FOXN3: variants seen among roughly 807,000 people sequenced by gnomAD.
FOXN3 encodes the protein forkhead box N3.
FOXN3 carries 7 observed loss-of-function variants against 38.4 expected under a neutral mutation model. The observed-to-expected ratio is 0.18, with a 90% CI of 0.10 to 0.34. The LOEUF (loss-of-function observed/expected upper bound fraction) is 0.34, where lower values mean the gene tolerates loss of function less well. Ranked by LOEUF, FOXN3 falls within the 10% of genes least tolerant of loss-of-function variation. The probability of loss-of-function intolerance (pLI) is 1.00; values close to 1 mark genes in which losing one functional copy is unlikely to be tolerated. For synonymous variants in FOXN3, 230 were observed against 242.2 expected (o/e 0.95, Z 0.47); for missense variants, 456 against 613.4 (o/e 0.74, Z 2.71).
At chr14:89,606,413 C>A (rs761027452) in intron 1 of FOXN3, among the ~76,000 whole-genome samples, 1 of 151,622 alleles carries the variant, frequency 6.6e-6, no homozygotes, top group Non-Finnish European at 1.5e-5. Context: ...AACATTGATA[C>A]CAAAATTTGA....
Position 89,505,328 on chromosome 14 carries a change from G to C in FOXN3, c.-14-92838C>G, listed in dbSNP as rs951683410. Among the ~76,000 whole-genome samples the C allele has an allele frequency of 2.9e-5, 4 of 136,400 alleles. No homozygotes were observed. The East Asian group carries it at 1.1e-3, about 37-fold the overall frequency. The allele number at this position is 136,400 out of a possible 152,430, so 89.5% of individuals were successfully genotyped here. ...CACGGTCTCCCTCTGATGCCGAGCC[G>C]AGGCTGGACTGTGCTGCTGCCATCT... On this transcript the variant is annotated intron_variant, in intron 1 of 6. Coordinates refer to the FOXN3 transcript ENST00000345097.
At chr14:89,432,668 C>G (rs923554405) in intron 1 of FOXN3, among the ~76,000 whole-genome samples, 6 of 152,166 alleles carry the variant, frequency 3.9e-5, no homozygotes, top group African/African-American at 1.4e-4. Flanking sequence ...CTGCTCTCAC[C>G]TGTCTATTGC....
At chr14:89,342,014 G>A (rs1888631473) in intron 3 of FOXN3, among the ~76,000 whole-genome samples, 1 of 152,122 alleles carries the variant, frequency 6.6e-6, no homozygotes. Flanking sequence ...ATGAGGTATT[G>A]GAAACACAGA....
At chr14:89,178,734 T>C (rs144431576) in intron 5 of FOXN3, among the ~76,000 whole-genome samples, 3 of 152,282 alleles carry the variant, frequency 2.0e-5, no homozygotes, top group Admixed American at 6.5e-5. Context: ...ATAAATGCCA[T>C]GAGAGTAAGA....
intron 4 of FOXN3, chr14:89,263,826 G>A (rs1331077320): frequency 1.3e-5 from 2 of 152,104 alleles, no homozygotes; most frequent in African/African-American, 4.8e-5. Context: ...CCGAGGTGGG[G>A]GGATCGCCTG....
intron 1 of FOXN3, among the ~76,000 whole-genome samples, chr14:89,445,524 C>T (rs1335051246): frequency 6.6e-6 from 1 of 152,162 alleles, no homozygotes; most frequent in East Asian, 1.9e-4. Flanking sequence ...CAGTTGAATA[C>T]ATCACCAGAT....
chr14:89,401,402 A>G (rs1891240234), intron 2 of FOXN3, among the ~76,000 whole-genome samples: 2 of 152,208 alleles, frequency 1.3e-5, no homozygotes, highest in Admixed American at 6.5e-5. Flanking sequence ...AGATGGCGCC[A>G]TTGGCACTCC....
At chr14:89,316,908 G>A (rs1209356345) in intron 3 of FOXN3, among the ~76,000 whole-genome samples, 1 of 150,504 alleles carries the variant, frequency 6.6e-6, no homozygotes. Flanking sequence ...CAGGTGATCT[G>A]CCAGCCTTGG....
At chr14:89,585,757 GA>G (rs34382325) in intron 1 of FOXN3, among the ~76,000 whole-genome samples, 22,349 of 136,754 alleles carry the variant, frequency 0.16, 4,188 homozygotes, top group African/African-American at 0.47. Flanking sequence ...CACTTGACTA[GA>G]AAAAAAAAAA....
At chr14:89,271,412 T>C (rs912139923) in intron 4 of FOXN3, among the ~76,000 whole-genome samples, 1 of 152,224 alleles carries the variant, frequency 6.6e-6, no homozygotes, top group Non-Finnish European at 1.5e-5. Context: ...GGTTGTTTAA[T>C]CTTTATATTT....
chr14:89,507,526 C>T (rs1893970567), intron 1 of FOXN3, among the ~76,000 whole-genome samples: 1 of 152,146 alleles, frequency 6.6e-6, no homozygotes, highest in Non-Finnish European at 1.5e-5. Flanking sequence ...CATCAACTTG[C>T]CTTAACTTTA....
chr14:89,202,306 C>T (rs773631751), intron 4 of FOXN3, among the ~76,000 whole-genome samples: 11 of 152,246 alleles, frequency 7.2e-5, no homozygotes, highest in South Asian at 2.1e-4. Context: ...AGACACAGGA[C>T]GTAGTCTGAG....
chr14:89,464,156 T>A (rs1272131392), intron 1 of FOXN3, among the ~76,000 whole-genome samples: 2 of 152,180 alleles, frequency 1.3e-5, no homozygotes, highest in Admixed American at 1.3e-4. Flanking sequence ...CTCCTCCAGA[T>A]TTCTCAGCTG....
intron 4 of FOXN3, among the ~76,000 whole-genome samples, chr14:89,192,380 T>A (rs1887978273): frequency 6.9e-6 from 1 of 145,044 alleles, no homozygotes; most frequent in Non-Finnish European, 1.5e-5. Flanking sequence ...CTATTTTATA[T>A]AAGTTAATAT....
chr14:89,459,037 T>C (rs1444806906), intron 1 of FOXN3, among the ~76,000 whole-genome samples: 2 of 151,744 alleles, frequency 1.3e-5, no homozygotes, highest in Non-Finnish European at 2.9e-5. Flanking sequence ...ATGTTCTGAG[T>C]TTGCAGGAAT....
chr14:89,174,996 C>A (rs1316999642), intron 5 of FOXN3, among the ~76,000 whole-genome samples: 1 of 152,216 alleles, frequency 6.6e-6, no homozygotes, highest in South Asian at 2.1e-4. Flanking sequence ...AATTGGACAA[C>A]AACCCTATCT....
At chr14:89,455,816 T>G (rs1400513879) in intron 1 of FOXN3, among the ~76,000 whole-genome samples, 1 of 152,192 alleles carries the variant, frequency 6.6e-6, no homozygotes, top group Non-Finnish European at 1.5e-5. Context: ...TCTCCTACCG[T>G]AATTGTACTT....
chr14:89,264,812 T>A (rs1222079717), intron 4 of FOXN3, among the ~76,000 whole-genome samples: 1 of 152,206 alleles, frequency 6.6e-6, no homozygotes, highest in East Asian at 1.9e-4. Context: ...CCTTCTCAAG[T>A]AGGATTCCAT....
At chr14:89,283,443 G>A (rs536050915) in intron 3 of FOXN3, among the ~76,000 whole-genome samples, 1 of 152,310 alleles carries the variant, frequency 6.6e-6, no homozygotes, top group East Asian at 1.9e-4. Flanking sequence ...TCCATCTGGA[G>A]ATGTCCCTGG....
Sources: gnomAD v4.1 joint callset for allele counts (sites outside exome capture counted in the v4.1 genomes callset) on GRCh38, gnomAD v4.1.1 for gene constraint, MANE v1.5 for transcripts, NCBI Gene and HGNC (gene_info 2026-07-23, HGNC 2026-07-21) for gene names.